ZNF541: variants seen among roughly 807,000 people sequenced by gnomAD.
The protein encoded by ZNF541 is zinc finger protein 541.
ZNF541 carries 23 observed loss-of-function variants against 123.5 expected under a neutral mutation model. That is an observed-to-expected ratio of 0.19 (90% CI 0.13 to 0.26). The LOEUF (loss-of-function observed/expected upper bound fraction) is 0.26, where lower values mean the gene tolerates loss of function less well. ZNF541 is among the 10% of genes least tolerant of loss of function. The pLI is 1.00. For missense variants in ZNF541, 1,612 were observed against 1,789.9 expected (o/e 0.90, Z 1.79); for synonymous variants, 751 against 754.5 (o/e 1.00, Z 0.08).
chr19:47,535,814 C>T (rs1195218382), intron 9 of ZNF541, among the ~76,000 whole-genome samples: 3 of 152,142 alleles, frequency 2.0e-5, no homozygotes, highest in East Asian at 1.9e-4. Flanking sequence ...CCTCCGCTGC[C>T]GAGACCAGCT....
chr19:47,544,857 A>G lies in ZNF541; in HGVS notation c.1672T>C (p.Phe558Leu). 7 of 1,536,008 alleles carry G rather than the reference A, an allele frequency of 4.6e-6. No homozygotes were observed. Among genetic ancestry groups the G allele is most frequent in the Non-Finnish European group, 5.2e-6 (6 of 1,146,730 alleles). Reference sequence around the variant, plus strand: ...CGCTGGGACTTGGTGATCATCTGGAACACCTGCATCTGCTCGTGGCTCACA... The same window carrying G: ...CGCTGGGACTTGGTGATCATCTGGAGCACCTGCATCTGCTCGTGGCTCACA... ...PLVSHEQMQV[F>L]QMITKSQRIF... Residue 558 changes from phenylalanine to leucine, a missense_variant, in exon 5 of 17, where the codon TTC (phenylalanine) becomes CTC (leucine). Coordinates refer to ENST00000391901, the MANE Select transcript of ZNF541 (RefSeq NM_001277075.3).
Position 47,521,322 on chromosome 19 carries a change from C to G in ZNF541, c.3943G>C (p.Asp1315His), listed in dbSNP as rs1969013756. The change falls in exon 17 of 17, where the codon GAC becomes CAC. Residue 1315 changes from aspartate to histidine, a missense_variant. Coordinates refer to ENST00000391901, the MANE Select transcript of ZNF541 (RefSeq NM_001277075.3). The surrounding 1 kb of genome is among the most constrained non-coding windows in gnomAD (Gnocchi z 4.2). ...ACCCTGATGATGGGCTCCACGTGGT[C>G]CTGAAGGCGGTGCCGCTTCATATGG... ...NAHMKRHRLQDHVEPIIRVKW... is the reference protein window; with the variant it reads ...NAHMKRHRLQHHVEPIIRVKW... The G allele has an allele frequency of 6.4e-6, 10 of 1,551,732 alleles. No individual in the cohort carries two copies. The highest frequency in any genetic ancestry group is 7.8e-6 in the Non-Finnish European group (9 of 1,147,004).
chr19:47,544,686 G>T lies in ZNF541; in HGVS notation c.1843C>A (p.Pro615Thr). ...GAGCCCTCTGCCTCGGGGTTTCCAG[G>T]GCCGGCGTGGAGAGAGTCCACAGCA... ...APAVDSLHAGPGNPEAEGSPA... is the reference protein window; with the variant it reads ...APAVDSLHAGTGNPEAEGSPA... Residue 615 changes from proline (P) to threonine (T), a missense_variant, in exon 5 of 17, where the codon CCT (proline) becomes ACT (threonine). Pro to Thr is a conservative substitution (Grantham distance 38, BLOSUM62 -1). Coordinates refer to ENST00000391901, the MANE Select transcript of ZNF541 (RefSeq NM_001277075.3). The T allele has an allele frequency of 6.6e-7, 1 of 1,524,910 alleles. No homozygotes were observed. The allele number at this position is 1,524,910 out of a possible 1,614,324, so 94.5% of individuals were successfully genotyped here.
Position 47,534,304 on chromosome 19 carries a change from G to A in ZNF541, c.3095-1332C>T, listed in dbSNP as rs182449239. 1.2e-4 allele frequency among the ~76,000 whole-genome samples: 18 copies of A among 152,250 alleles called. No homozygotes were observed. The East Asian group carries it at 3.5e-3, about 29-fold the overall frequency. ...ATGTGGGATACCATTAAGTACAGCA[G>A]CTACATGTAACAGGAGTACCAGATG... On this transcript the variant is annotated intron_variant, in intron 9 of 16. Coordinates refer to ENST00000391901, the MANE Select transcript of ZNF541 (RefSeq NM_001277075.3).
intron 5 of ZNF541, among the ~76,000 whole-genome samples, chr19:47,543,342 A>C (rs1970163950): frequency 6.6e-6 from 1 of 151,928 alleles, no homozygotes; most frequent in Non-Finnish European, 1.5e-5. Context: ...GACCTGGATG[A>C]GCTCTTTGGA....
intron 1 of ZNF541, among the ~76,000 whole-genome samples, chr19:47,572,404 C>T (rs1442309959): frequency 2.0e-5 from 3 of 151,308 alleles, no homozygotes; most frequent in Admixed American, 1.3e-4. Context: ...TTGTTCTAAG[C>T]GAAGATATTC....
At chr19:47,537,071 G>C (rs1969855547) in intron 9 of ZNF541, among the ~76,000 whole-genome samples, 1 of 152,126 alleles carries the variant, frequency 6.6e-6, no homozygotes, top group Non-Finnish European at 1.5e-5. Flanking sequence ...GCCCAGGCTG[G>C]GGGAAGAAGG....
At chr19:47,522,472 A>G (rs1417142375) in intron 14 of ZNF541, among the ~76,000 whole-genome samples, 1 of 152,198 alleles carries the variant, frequency 6.6e-6, no homozygotes, top group Non-Finnish European at 1.5e-5. Flanking sequence ...CCACTAAGAA[A>G]GGATCCCACT....
intron 2 of ZNF541, among the ~76,000 whole-genome samples, chr19:47,569,549 A>C (rs890281044): frequency 1.3e-5 from 2 of 152,058 alleles, no homozygotes; most frequent in South Asian, 4.2e-4. Flanking sequence ...TCGTGCCTAC[A>C]TTCTTAAGTA....
In ZNF541 at chr19:47,545,046, C is replaced by T. The variant is rs771269447; in HGVS notation, c.1483G>A (p.Glu495Lys). The change falls in exon 5 of 17, where the codon GAA becomes AAA. Residue 495 changes from glutamate (E) to lysine (K), a missense_variant. Coordinates refer to ENST00000391901, the MANE Select transcript of ZNF541 (RefSeq NM_001277075.3). The surrounding 1 kb of genome is among the most constrained non-coding windows in gnomAD (Gnocchi z 7.5). ...APSDPRSASG[E>K]DDPCAPKKVK... ...TTCTTGGGGGCGCAGGGGTCATCTT[C>T]CCCGCTGGCCGACCTGGGGTCGCTC... The T allele has an allele frequency of 6.8e-7, 1 of 1,480,638 alleles. No individual in the cohort carries two copies. The highest frequency in any genetic ancestry group is 1.3e-5 in the South Asian group (1 of 76,576). 91.7% of individuals were successfully genotyped at this position (1,480,638 alleles called of 1,614,324 possible).
intron 3 of ZNF541, 83 bp from the exon 4 acceptor site, chr19:47,549,568 G>A: frequency 6.6e-7 from 1 of 1,516,918 alleles, no homozygotes; most frequent in South Asian, 1.2e-5. Context: ...ACACCTCTTA[G>A]AACCATGGTG....
rs756763958 is a variant in ZNF541, at chr19:47,549,434, G to A, written c.359C>T (p.Ala120Val). 1.4e-5 allele frequency: 22 copies of A among 1,551,552 alleles called. No homozygotes were observed. In the South Asian group the frequency reaches 2.4e-4, roughly 17 times the overall value. Residue 120 changes from alanine (A) to valine (V), a missense_variant, in exon 4 of 17, where the codon GCC (alanine) becomes GTC (valine). Coordinates refer to ENST00000391901, the MANE Select transcript of ZNF541 (RefSeq NM_001277075.3). ...TCCTTTCCTGGCACTCCCCGAGGTG[G>A]CCCTTCCTCCTTCGTCAGCCTCTTT... ...KAKEADEGGR[A>V]TSGSARKGKR...
At position 47,566,781 on chromosome 19, in the gene ZNF541, G is replaced by A. The variant is rs192373939; in HGVS notation, c.-99+5115C>T. Among the ~76,000 whole-genome samples, 28 of 151,800 alleles carry A rather than the reference G, an allele frequency of 1.8e-4. No homozygotes were observed. In the East Asian group the frequency reaches 4.9e-3, roughly 26 times the overall value. ...AATAAATAAAATAAGGCCAGGTGCG[G>A]TGGCTCACACCTGTAATCCCAGCAC... On this transcript the variant is annotated intron_variant, in intron 2 of 16. Transcript: ENST00000391901.
intron 9 of ZNF541, among the ~76,000 whole-genome samples, chr19:47,535,323 A>G (rs926564724): frequency 6.6e-6 from 1 of 152,240 alleles, no homozygotes; most frequent in Non-Finnish European, 1.5e-5. Context: ...ATCTTCACAT[A>G]TAACACCACA....
At chr19:47,535,931 G>A (rs1305363744) in intron 9 of ZNF541, among the ~76,000 whole-genome samples, 4 of 152,188 alleles carry the variant, frequency 2.6e-5, no homozygotes, top group South Asian at 2.1e-4. Context: ...TCAGAGCTAA[G>A]AGCCCTGAAC....
rs751535978 is a variant in ZNF541 at position 47,544,115 on chromosome 19, A to C, written c.2403+11T>G. 1 of 1,537,388 alleles carries C rather than the reference A, an allele frequency of 6.5e-7. No homozygotes were observed. The highest frequency in any genetic ancestry group is 8.8e-7 in the Non-Finnish European group (1 of 1,138,186). The stretch of plus-strand genomic sequence containing the variant: ...CCACTCTGGTCAGGCCACGTGAGAG[A>C]GAGCTGGTACCTGGATTCTGCTGAA... On this transcript the variant is annotated intron_variant, in intron 5 of 16. Coordinates refer to ENST00000391901, the MANE Select transcript of ZNF541 (RefSeq NM_001277075.3).
At chr19:47,549,064 C>CA (rs78494981) in intron 4 of ZNF541, among the ~76,000 whole-genome samples, 181 bp downstream of exon 4, 67,777 of 114,412 alleles carry the variant, frequency 0.59, 20,871 homozygotes, top group Non-Finnish European at 0.71. Flanking sequence ...GGATGACAGA[C>CA]AAAAAAAAAA....
intron 3 of ZNF541, among the ~76,000 whole-genome samples, chr19:47,554,859 G>A (rs541873484): frequency 5.9e-5 from 9 of 151,938 alleles, no homozygotes; most frequent in East Asian, 1.9e-4. Flanking sequence ...TTTGGGAGGC[G>A]GAGGTGGGAG....
chr19:47,535,223 C>T (rs1568489705), intron 9 of ZNF541, among the ~76,000 whole-genome samples: 1 of 152,086 alleles, frequency 6.6e-6, no homozygotes, highest in Non-Finnish European at 1.5e-5. Context: ...AAAGTGCTGG[C>T]ATTACAGGCG....
Sources: allele counts gnomAD v4.1 joint callset (sites outside exome capture counted in the v4.1 genomes callset), GRCh38; gene constraint gnomAD v4.1.1; non-coding constraint Gnocchi (gnomAD v3.1); transcripts MANE v1.5; gene names NCBI Gene and HGNC (gene_info 2026-07-23, HGNC 2026-07-21).